CNTNAP5: variants seen among roughly 807,000 people sequenced by gnomAD.
CNTNAP5 encodes the protein contactin associated protein family member 5.
Under a neutral mutation model 150.2 loss-of-function variants are expected in CNTNAP5, and 72 were observed. That is an observed-to-expected ratio of 0.48 (90% CI 0.40 to 0.58). The LOEUF (loss-of-function observed/expected upper bound fraction) is 0.58. Ranked by LOEUF, CNTNAP5 falls within the 20% of genes least tolerant of loss-of-function variation. The pLI is 0.00. For synonymous variants in CNTNAP5, 672 were observed against 619.8 expected (o/e 1.08, Z -1.25); for missense variants, 1,636 against 1,626.2 (o/e 1.01, Z -0.10).
intron 11 of CNTNAP5, among the ~76,000 whole-genome samples, chr2:124,594,351 A>G (rs894531104): frequency 6.6e-6 from 1 of 151,106 alleles, no homozygotes; most frequent in Non-Finnish European, 1.5e-5. Flanking sequence ...AGCTTTCTAC[A>G]TATGGCTAGC....
chr2:124,766,172 A>T (rs1453693690), intron 16 of CNTNAP5, among the ~76,000 whole-genome samples: 1 of 152,104 alleles, frequency 6.6e-6, no homozygotes, highest in African/African-American at 2.4e-5. Context: ...TATTGCTTAT[A>T]GATGGGGTAG....
chr2:124,210,740 G>A (rs1337787516), intron 1 of CNTNAP5, among the ~76,000 whole-genome samples: 2 of 152,002 alleles, frequency 1.3e-5, no homozygotes, highest in East Asian at 3.9e-4. Flanking sequence ...ATTTCATTTT[G>A]TTTTTAAACT....
intron 1 of CNTNAP5, among the ~76,000 whole-genome samples, chr2:124,049,075 C>A (rs1349265002): frequency 1.3e-5 from 2 of 152,158 alleles, no homozygotes; most frequent in Admixed American, 1.3e-4. Flanking sequence ...CATCTCACGA[C>A]CCAGGCTTGC....
intron 3 of CNTNAP5, among the ~76,000 whole-genome samples, chr2:124,254,459 T>G (rs896567986): frequency 6.6e-6 from 1 of 152,188 alleles, no homozygotes; most frequent in African/African-American, 2.4e-5. Context: ...TGGGTGATGC[T>G]GCTAAGCATG....
chr2:124,735,927 A>G (rs1680372831), intron 13 of CNTNAP5, among the ~76,000 whole-genome samples: 1 of 152,124 alleles, frequency 6.6e-6, no homozygotes, highest in African/African-American at 2.4e-5. Flanking sequence ...TGGCAGGTGT[A>G]TTCATAAAAT....
At chr2:124,231,770 A>C (rs182755886) in intron 2 of CNTNAP5, among the ~76,000 whole-genome samples, 1 of 152,260 alleles carries the variant, frequency 6.6e-6, no homozygotes, top group Admixed American at 6.5e-5. Context: ...CAGGACAGAA[A>C]CCTTCTGCTA....
chr2:124,374,430 G>C (rs931746423), intron 3 of CNTNAP5, among the ~76,000 whole-genome samples: 1 of 152,036 alleles, frequency 6.6e-6, no homozygotes, highest in Non-Finnish European at 1.5e-5. Context: ...CACATTTCCT[G>C]GTCCTGCTCT....
intron 19 of CNTNAP5, among the ~76,000 whole-genome samples, chr2:124,820,100 G>GT: frequency 6.6e-6 from 1 of 152,208 alleles, no homozygotes; most frequent in East Asian, 1.9e-4. Flanking sequence ...AGTGTGCATT[G>GT]TTTTTTCTTT....
chr2:124,708,049 T>C (rs1204662785), intron 13 of CNTNAP5, among the ~76,000 whole-genome samples: 1 of 152,244 alleles, frequency 6.6e-6, no homozygotes, highest in Non-Finnish European at 1.5e-5. Context: ...TTTTGTTCAC[T>C]GTTGCTTTCT....
chr2:124,622,812 T>C (rs1238387313), intron 12 of CNTNAP5, among the ~76,000 whole-genome samples: 2 of 152,194 alleles, frequency 1.3e-5, no homozygotes, highest in African/African-American at 4.8e-5. Flanking sequence ...TTCTGAAGTT[T>C]GCTTTTTTAT....
At chr2:124,602,485 A>G (rs1394497728) in intron 11 of CNTNAP5, among the ~76,000 whole-genome samples, 1 of 150,132 alleles carries the variant, frequency 6.7e-6, no homozygotes, top group Admixed American at 6.6e-5. Flanking sequence ...CATCTTATTT[A>G]TTTGTTTGTT....
intron 12 of CNTNAP5, among the ~76,000 whole-genome samples, chr2:124,626,009 C>T (rs989288316): frequency 3.3e-5 from 5 of 152,032 alleles, no homozygotes; most frequent in Non-Finnish European, 5.9e-5. Context: ...ATGAGTTGTA[C>T]AAAATTAGAT....
At chr2:124,503,765 A>G (rs998035360) in intron 7 of CNTNAP5, among the ~76,000 whole-genome samples, 4 of 152,104 alleles carry the variant, frequency 2.6e-5, no homozygotes, top group African/African-American at 9.7e-5. Flanking sequence ...TTTCATAGGG[A>G]TGCTGTTTTG....
intron 13 of CNTNAP5, among the ~76,000 whole-genome samples, chr2:124,743,311 T>C (rs1003916572): frequency 2.0e-5 from 3 of 152,180 alleles, no homozygotes; most frequent in African/African-American, 7.2e-5. Flanking sequence ...TGAATAACTC[T>C]TCTGTATTAG....
chr2:124,501,954 G>A (rs1489156771), intron 7 of CNTNAP5, among the ~76,000 whole-genome samples: 3 of 152,174 alleles, frequency 2.0e-5, no homozygotes, highest in Non-Finnish European at 4.4e-5. Context: ...GATAGCTGGA[G>A]TGGCTTCACA....
chr2:124,641,901 T>G (rs926896932), intron 12 of CNTNAP5, among the ~76,000 whole-genome samples: 3 of 152,258 alleles, frequency 2.0e-5, no homozygotes. Flanking sequence ...TGTCTCCTTT[T>G]TTACTTTCCT....
Position 124,393,820 on chromosome 2 carries a change from C to T in CNTNAP5, c.382-23623C>T, listed in dbSNP as rs577103394. 2.7e-3 allele frequency among the ~76,000 whole-genome samples: 408 copies of T among 152,316 alleles called. 1 individual carries two copies. The highest frequency in any genetic ancestry group is 4.8e-3 in the Non-Finnish European group (324 of 68,022). On this transcript the variant is annotated intron_variant, in intron 3 of 23. Transcript: ENST00000682447. ...TCACCTGAACAGGGATATGGTTTTA[C>T]TTTGGTAAACCAAGGGGCACATTGA... is the stretch of plus-strand genomic sequence containing the variant.
chr2:124,821,639 G>A (rs78252117), intron 19 of CNTNAP5, among the ~76,000 whole-genome samples: 4,783 of 152,146 alleles, frequency 0.031, 247 homozygotes, highest in African/African-American at 0.11. Flanking sequence ...AGTGAACAGC[G>A]ACTTCAGTGA....
At chr2:124,509,613 G>T (rs1052190956) in intron 8 of CNTNAP5, among the ~76,000 whole-genome samples, 2 of 152,196 alleles carry the variant, frequency 1.3e-5, no homozygotes, top group African/African-American at 4.8e-5. Context: ...AGTAGCCAAA[G>T]TGATGTTCAA....
Sources: gnomAD v4.1 joint callset for allele counts (sites outside exome capture counted in the v4.1 genomes callset) on GRCh38, gnomAD v4.1.1 for gene constraint, MANE v1.5 for transcripts, NCBI Gene and HGNC (gene_info 2026-07-23, HGNC 2026-07-21) for gene names.